ADGRB1: variants seen among roughly 807,000 people sequenced by gnomAD.
ADGRB1 encodes the protein adhesion G protein-coupled receptor B1, also known as brain-specific angiogenesis inhibitor 1.
Under a neutral mutation model 175.7 loss-of-function variants are expected in ADGRB1, and 36 were observed. The observed-to-expected ratio is 0.20, with a 90% confidence interval of 0.16 to 0.27. The LOEUF (loss-of-function observed/expected upper bound fraction) is 0.27, where lower values mean the gene tolerates loss of function less well. ADGRB1 is among the 10% of genes least tolerant of loss of function. ADGRB1 has a pLI of 1.00. For synonymous variants in ADGRB1, 1,054 were observed against 979.4 expected (o/e 1.08, Z -1.42); for missense variants, 1,731 against 2,255.3 (o/e 0.77, Z 4.71).
At chr8:142,496,343 G>C (rs1006440225) in intron 17 of ADGRB1, among the ~76,000 whole-genome samples, 7 of 151,832 alleles carry the variant, frequency 4.6e-5, no homozygotes, top group Non-Finnish European at 7.4e-5. Context: ...TGGATGTGTA[G>C]ATGGATAGAT....
Position 142,542,666 on chromosome 8 carries a change from G to T in ADGRB1, c.4413+19G>T. ...CCTGGAGGTGAGGGGGGCAGGGGTGGGCCACACCCCAGCCAGCGAGGGCAG... is the reference window on the plus strand; with the variant it reads ...CCTGGAGGTGAGGGGGGCAGGGGTGTGCCACACCCCAGCCAGCGAGGGCAG... On this transcript the variant is annotated intron_variant, in intron 28 of 30. Transcript: ENST00000517894. This position sits in a 1 kb window ranked among gnomAD's most constrained non-coding sequence, Gnocchi z 6.3. The T allele has an allele frequency of 6.5e-7, 1 of 1,530,382 alleles. No homozygotes were observed. The highest frequency in any genetic ancestry group is 2.6e-5 in the East Asian group (1 of 38,854). The allele number at this position is 1,530,382 out of a possible 1,614,324, so 94.8% of individuals were successfully genotyped here.
At chr8:142,469,696 C>T (rs547042986) in intron 2 of ADGRB1, among the ~76,000 whole-genome samples, 4 of 144,468 alleles carry the variant, frequency 2.8e-5, no homozygotes, top group East Asian at 2.0e-4. Context: ...TGAATGTGTG[C>T]GTGCCTGTGT....
chr8:142,481,156 C>A, intron 9 of ADGRB1, 98 bp from the exon 10 acceptor site: 1 of 1,130,590 alleles, frequency 8.8e-7, no homozygotes, highest in African/African-American at 1.5e-5. Context: ...TTCTGGGGGC[C>A]ACAGGGTCCC....
intron 1 of ADGRB1, among the ~76,000 whole-genome samples, chr8:142,456,132 AC>A (rs1468057030): frequency 6.6e-6 from 1 of 151,588 alleles, no homozygotes; most frequent in Non-Finnish European, 1.5e-5. Flanking sequence ...TGCACTCTGC[AC>A]CCCCTCCCTG....
At chr8:142,505,994 C>A (rs966743691) in intron 17 of ADGRB1, among the ~76,000 whole-genome samples, 2 of 152,196 alleles carry the variant, frequency 1.3e-5, no homozygotes, top group Non-Finnish European at 2.9e-5. Context: ...CACGCGCAGG[C>A]GTCCTGGCTG....
At chr8:142,523,970 G>T (rs373344934) in intron 22 of ADGRB1, among the ~76,000 whole-genome samples, 9 of 152,132 alleles carry the variant, frequency 5.9e-5, no homozygotes, top group African/African-American at 2.2e-4. Context: ...CCAGCCTGGT[G>T]CCCCTGCTGT....
At chr8:142,465,299 G>A (rs1344468917) in intron 2 of ADGRB1, among the ~76,000 whole-genome samples, 1 of 152,212 alleles carries the variant, frequency 6.6e-6, no homozygotes, top group Admixed American at 6.5e-5. Context: ...GAGCATTGAA[G>A]GCCTAATTCC....
chr8:142,514,084 G>A (rs549266994), intron 18 of ADGRB1, among the ~76,000 whole-genome samples: 59 of 152,194 alleles, frequency 3.9e-4, no homozygotes, highest in Admixed American at 9.8e-4. Context: ...GGAGAGAGAG[G>A]GGTGCTGCCT....
intron 26 of ADGRB1, among the ~76,000 whole-genome samples, chr8:142,539,088 C>G (rs2132266980): frequency 6.6e-6 from 1 of 152,310 alleles, no homozygotes; most frequent in Middle Eastern, 3.4e-3. Context: ...ACACCTGAAT[C>G]CACACGCAAA....
rs1444218073 is a variant in ADGRB1, at chr8:142,487,978, TG to T, written c.2309-380del. Among the ~76,000 whole-genome samples the T allele has an allele frequency of 3.3e-5, 5 of 151,684 alleles. No homozygotes were observed. In the East Asian group the frequency reaches 9.8e-4, roughly 30 times the overall value. On this transcript the variant is annotated intron_variant, in intron 13 of 30. Coordinates refer to ENST00000517894, the MANE Select transcript of ADGRB1 (RefSeq NM_001702.3). ...TGGGCTCCCCTGTCCCAGGAGGGAG[TG>T]GGGGGCGCTGAGGAGGTGCCTGGTG...
In ADGRB1 at chr8:142,456,521, TCA is replaced by T. The variant is rs201350827; in HGVS notation, c.-220+6429_-220+6430del. Among the ~76,000 whole-genome samples, 22 of 151,730 alleles carry T rather than the reference TCA, an allele frequency of 1.4e-4. No homozygotes were observed. In the South Asian group the frequency reaches 3.7e-3, roughly 26 times the overall value. ...CACGCACATTCTGTTCCCCACTCGC[TCA>T]CACACACACACCACTCACACCTGCA... On this transcript the variant is annotated intron_variant, in intron 1 of 30. Transcript: ENST00000517894.
At chr8:142,467,160 C>T (rs1375724862) in intron 2 of ADGRB1, among the ~76,000 whole-genome samples, 1 of 152,234 alleles carries the variant, frequency 6.6e-6, no homozygotes, top group Non-Finnish European at 1.5e-5. Flanking sequence ...CTACTGAGTG[C>T]AGGCACCCTA....
chr8:142,470,617 CCTGTGTGCGTCCT>C lies in ADGRB1; in HGVS notation c.785-4848_785-4836del, dbSNP rs1324048205. 3.3e-5 allele frequency among the ~76,000 whole-genome samples: 5 copies of C among 152,154 alleles called. No homozygotes were observed. In the South Asian group the frequency reaches 1.0e-3, roughly 32 times the overall value. On this transcript the variant is annotated intron_variant, in intron 2 of 30. Transcript: ENST00000517894. ...CCTCGAGTGTATATCCCTGTGTGTCCCTGTGTGCGTCCTCTGTGTGCCCACAGGGAGTGGGTAT... is the reference window on the plus strand; with the variant it reads ...CCTCGAGTGTATATCCCTGTGTGTCCCTGTGTGCCCACAGGGAGTGGGTAT...
In ADGRB1 at chr8:142,521,940, C is replaced by A. The variant is rs758446744; in HGVS notation, c.3025-25C>A. 3.2e-6 allele frequency: 5 copies of A among 1,562,486 alleles called. No individual in the cohort carries two copies. The African/African-American group carries it at 6.8e-5, about 21-fold the overall frequency. On this transcript the variant is annotated intron_variant, in intron 20 of 30. Transcript: ENST00000517894. ...TGGGGCCGGGGAGCACCTGCCCAGC[C>A]TGCCCCGCCCTGGGCCCCACACAGG...
At chr8:142,519,020 C>G (rs924828540) in intron 19 of ADGRB1, among the ~76,000 whole-genome samples, 4 of 152,100 alleles carry the variant, frequency 2.6e-5, no homozygotes, top group Non-Finnish European at 4.4e-5. Flanking sequence ...GGTGGCCGAG[C>G]TTTCCCGGAG....
rs1237966462 is a variant in ADGRB1 at position 142,464,376 on chromosome 8, G to T, written c.178G>T (p.Val60Leu). The T allele has an allele frequency of 6.6e-7, 1 of 1,523,648 alleles. No homozygotes were observed. Among genetic ancestry groups the T allele is most frequent in the Non-Finnish European group, 8.8e-7 (1 of 1,139,522 alleles). 94.4% of individuals were successfully genotyped at this position (1,523,648 alleles called of 1,614,324 possible). A position where few individuals can be genotyped will look rare whatever the true frequency, so the allele number is the denominator to read the frequency against. The change falls in exon 2 of 31, where the codon GTG becomes TTG. Residue 60 changes from valine to leucine, a missense_variant. Physicochemically the swap from Val to Leu is conservative, Grantham distance 32 (BLOSUM62 1). This residue lies in a region of ADGRB1 where 383 missense variants were observed against 383.1 expected (regional missense o/e 1.00). Transcript: ENST00000517894. ...KFFGYFSAAAVFPANASRCSW... is the reference protein window; with the variant it reads ...KFFGYFSAAALFPANASRCSW... ...CTTCGGCTACTTCTCCGCGGCCGCC[G>T]TGTTCCCGGCCAACGCCTCGCGCTG... is the stretch of plus-strand genomic sequence containing the variant.
Position 142,522,854 on chromosome 8 carries a change from G to T in ADGRB1, c.3245+144G>T, listed in dbSNP as rs919127564. On this transcript the variant is annotated intron_variant, in intron 22 of 30. Transcript: ENST00000517894. ...AGGCTCAGGGAGGGTGGGGCCCCAGGGGCTGGAGGCTGAGCCCCTTGGGCA... is the reference window on the plus strand; with the variant it reads ...AGGCTCAGGGAGGGTGGGGCCCCAGTGGCTGGAGGCTGAGCCCCTTGGGCA... 14 of 971,298 alleles carry T rather than the reference G, an allele frequency of 1.4e-5. No individual in the cohort carries two copies. In the African/African-American group the frequency reaches 2.4e-4, roughly 17 times the overall value. The allele number at this position is 971,298 out of a possible 1,614,324, so 60.2% of individuals were successfully genotyped here. A position where few individuals can be genotyped will look rare whatever the true frequency, so the allele number is the denominator to read the frequency against.
At chr8:142,514,839 A>G (rs1843326452) in intron 18 of ADGRB1, among the ~76,000 whole-genome samples, 1 of 152,012 alleles carries the variant, frequency 6.6e-6, no homozygotes. Context: ...TCGGGGTATA[A>G]TCTGGGTCAG....
chr8:142,481,989 TCTGGTCACACACTGAGCCCTGACC>T (rs1563697933), intron 11 of ADGRB1, among the ~76,000 whole-genome samples: 4 of 75,690 alleles, frequency 5.3e-5, no homozygotes, highest in East Asian at 4.1e-4. Flanking sequence ...CACACTGAGC[TCTGGTCACACACTGAGCCCTGACC>T]CTGGTCACAC....
Sources: gnomAD v4.1 joint callset for allele counts (sites outside exome capture counted in the v4.1 genomes callset) on GRCh38, gnomAD v4.1.1 for gene constraint, gnomAD v4.1.1 regional missense constraint, Gnocchi (gnomAD v3.1) non-coding constraint, MANE v1.5 for transcripts, NCBI Gene and HGNC (gene_info 2026-07-23, HGNC 2026-07-21) for gene names.